Variants in ERBB4 observed in about 807,000 individuals in gnomAD.
ERBB4 encodes the protein erb-b2 receptor tyrosine kinase 4, also known as receptor tyrosine-protein kinase erbB-4.
In ERBB4, 42 loss-of-function variants were observed where a neutral mutation model predicts 158.0. The ratio of observed to expected loss-of-function variants is 0.27; its 90% CI spans 0.21 to 0.34. The LOEUF (loss-of-function observed/expected upper bound fraction) is 0.34. ERBB4 is among the 10% of genes least tolerant of loss of function. ERBB4 has a pLI of 1.00. For missense variants in ERBB4, 1,333 were observed against 1,624.1 expected (o/e 0.82, Z 3.08); for synonymous variants, 583 against 558.7 (o/e 1.04, Z -0.61).
At chr2:211,628,791 G>A in intron 17 of ERBB4, among the ~76,000 whole-genome samples, 1 of 152,152 alleles carries the variant, frequency 6.6e-6, no homozygotes, top group Non-Finnish European at 1.5e-5. Flanking sequence ...CACCAACAGT[G>A]TAAAAGTGTT....
At chr2:212,078,799 AAAGT>A (rs1251787387) in intron 2 of ERBB4, among the ~76,000 whole-genome samples, 1 of 151,418 alleles carries the variant, frequency 6.6e-6, no homozygotes, top group African/African-American at 2.4e-5. Context: ...ACTAATATGA[AAAGT>A]AATTAATACT....
chr2:212,402,254 A>T (rs1019434989), intron 1 of ERBB4, among the ~76,000 whole-genome samples: 1 of 152,126 alleles, frequency 6.6e-6, no homozygotes, highest in African/African-American at 2.4e-5. Flanking sequence ...AAAAAAGTCA[A>T]TCTCAAAGAT....
In ERBB4 at chr2:212,320,495, A is replaced by T. The variant is rs2087515029; in HGVS notation, c.83-195592T>A. On this transcript the variant is annotated intron_variant, in intron 1 of 27. Transcript: ENST00000342788. ...ATTTTCTCACTAACAGGACTAAAGG[A>T]AAATGTATTTACATGACAGAAAAAA... 3.2e-5 allele frequency among the ~76,000 whole-genome samples: 4 copies of T among 126,730 alleles called. 1 individual carries two copies. Among genetic ancestry groups the T allele is most frequent in the Non-Finnish European group, 7.0e-5 (4 of 57,234 alleles). 83.1% of individuals were successfully genotyped at this position (126,730 alleles called of 152,430 possible).
chr2:211,887,473 C>G (rs1156362054), intron 3 of ERBB4, among the ~76,000 whole-genome samples: 1 of 152,140 alleles, frequency 6.6e-6, no homozygotes, highest in African/African-American at 2.4e-5. Flanking sequence ...TTCACCTCCT[C>G]AAAAATTCAA....
intron 3 of ERBB4, among the ~76,000 whole-genome samples, chr2:211,933,350 G>T (rs1219064324): frequency 6.6e-6 from 1 of 151,940 alleles, no homozygotes; most frequent in Non-Finnish European, 1.5e-5. Flanking sequence ...CTTTATAAAA[G>T]ATATATCTAT....
intron 2 of ERBB4, among the ~76,000 whole-genome samples, chr2:212,084,067 C>G (rs767540551): frequency 2.6e-5 from 4 of 151,872 alleles, no homozygotes; most frequent in Non-Finnish European, 4.4e-5. Flanking sequence ...GGTAAATCTT[C>G]TGTAAATGAC....
chr2:211,441,640 C>G (rs2063979516), intron 20 of ERBB4, among the ~76,000 whole-genome samples: 1 of 152,090 alleles, frequency 6.6e-6, no homozygotes, highest in South Asian at 2.1e-4. Flanking sequence ...GATATCTTTT[C>G]TGGGGCTGCT....
At chr2:211,805,673 C>T (rs902254570) in intron 3 of ERBB4, among the ~76,000 whole-genome samples, 2 of 151,872 alleles carry the variant, frequency 1.3e-5, no homozygotes, top group Non-Finnish European at 2.9e-5. Flanking sequence ...CTTTTCAAAA[C>T]CAAAATTAAA....
chr2:212,359,733 A>T (rs2089611278), intron 1 of ERBB4, among the ~76,000 whole-genome samples: 2 of 151,816 alleles, frequency 1.3e-5, no homozygotes, highest in South Asian at 4.1e-4. Flanking sequence ...AGAACCCAAT[A>T]TTCTATTGTG....
intron 2 of ERBB4, among the ~76,000 whole-genome samples, chr2:212,099,183 ATAAT>A (rs2079014442): frequency 7.5e-6 from 1 of 133,784 alleles, no homozygotes; most frequent in Non-Finnish European, 1.7e-5. Flanking sequence ...AAATAAATAA[ATAAT>A]AAATAATAAA....
intron 1 of ERBB4, among the ~76,000 whole-genome samples, chr2:212,468,073 G>A (rs1248377084): frequency 2.0e-5 from 3 of 152,296 alleles, no homozygotes; most frequent in African/African-American, 7.2e-5. Context: ...TGGGATGGCT[G>A]TATTTACCCA....
intron 6 of ERBB4, among the ~76,000 whole-genome samples, chr2:211,722,736 T>G (rs900563815): frequency 6.6e-6 from 1 of 152,374 alleles, no homozygotes; most frequent in South Asian, 2.1e-4. Flanking sequence ...TTATGGCTAC[T>G]GATGCTCAAA....
rs955113810 is a variant in ERBB4 at position 211,381,135 on chromosome 2, C to G, written c.*2480G>C. ...TTGTGGCCCCTGAATCACTCTGTGT[C>G]TTTACCCCTGAAAAGTTTGAGGGTG... On this transcript the variant is annotated 3_prime_UTR_variant, in exon 28 of 28. Coordinates refer to ENST00000342788, the MANE Select transcript of ERBB4 (RefSeq NM_005235.3). The G allele has an allele frequency of 4.3e-6, 1 of 232,308 alleles. No individual in the cohort carries two copies. The highest frequency in any genetic ancestry group is 2.2e-5 in the African/African-American group (1 of 45,278). 14.4% of individuals were successfully genotyped at this position (232,308 alleles called of 1,614,324 possible).
chr2:212,025,973 G>A lies in ERBB4; in HGVS notation c.235-78357C>T, dbSNP rs192439302. On this transcript the variant is annotated intron_variant, in intron 2 of 27. Transcript: ENST00000342788. ...ACCTGTTCTCTTGTTTGTCAGAGTG[G>A]GATGAGAGTAACTGTCCTGCTTCTC... Among the ~76,000 whole-genome samples the A allele has an allele frequency of 4.4e-3, 664 of 151,680 alleles. 3 individuals are homozygous for A. Among genetic ancestry groups the A allele is most frequent in the Non-Finnish European group, 7.3e-3 (491 of 67,718 alleles).
chr2:211,691,781 GA>G (rs2072831460), intron 12 of ERBB4, among the ~76,000 whole-genome samples: 1 of 152,002 alleles, frequency 6.6e-6, no homozygotes, highest in Non-Finnish European at 1.5e-5. Context: ...CTAGCCAAGA[GA>G]GTCTGAGGAA....
chr2:212,000,327 C>CA (rs1385041723), intron 2 of ERBB4, among the ~76,000 whole-genome samples: 1 of 151,756 alleles, frequency 6.6e-6, no homozygotes, highest in Non-Finnish European at 1.5e-5. Flanking sequence ...TTAGAAATCA[C>CA]ACAGTTTTTC....
intron 18 of ERBB4, 131 bp from the exon 19 acceptor site, chr2:211,619,406 T>C (rs2069510928): frequency 3.1e-6 from 2 of 645,460 alleles, no homozygotes; most frequent in Admixed American, 2.5e-5. Flanking sequence ...TGTTACAAGT[T>C]ACTCTGCAAC....
At position 211,512,740 on chromosome 2, in the gene ERBB4, G is replaced by T. The variant is rs11891684; in HGVS notation, c.2487+49163C>A. Among the ~76,000 whole-genome samples the T allele has an allele frequency of 5.6e-3, 859 of 152,038 alleles. 7 individuals are homozygous for T. The highest frequency in any genetic ancestry group is 0.02 in the African/African-American group (811 of 41,486). On this transcript the variant is annotated intron_variant, in intron 20 of 27. Transcript: ENST00000342788. ...TCTTTAAAAGGGCATATTGTTCTTG[G>T]TAAGAACAATCCCAGCAGGTCTCCC...
intron 1 of ERBB4, among the ~76,000 whole-genome samples, chr2:212,319,149 G>A (rs2888053): frequency 0.7 from 106,126 of 151,408 alleles, 40,401 homozygotes; most frequent in Non-Finnish European, 0.85. Flanking sequence ...CCTCTTTTAG[G>A]GTCAAAAATG....
Sources: allele counts gnomAD v4.1 joint callset (sites outside exome capture counted in the v4.1 genomes callset), GRCh38; gene constraint gnomAD v4.1.1; transcripts MANE v1.5; gene names NCBI Gene and HGNC (gene_info 2026-07-23, HGNC 2026-07-21).